Variants in SDK2 observed in about 807,000 individuals in gnomAD.
SDK2 encodes sidekick cell adhesion molecule 2, also known as protein sidekick-2.
A neutral mutation model predicts 253.9 loss-of-function variants in SDK2; 105 were observed. That is an observed-to-expected ratio of 0.41 (90% confidence interval 0.35 to 0.49). The LOEUF is 0.49. Ranked by LOEUF, SDK2 falls within the 20% of genes least tolerant of loss-of-function variation. The pLI, the probability that SDK2 is intolerant of heterozygous loss-of-function variation, is 0.06. For synonymous variants in SDK2, 1,249 were observed against 1,234.9 expected (o/e 1.01, Z -0.24); for missense variants, 2,608 against 3,003.0 (o/e 0.87, Z 3.07).
chr17:73,389,183 CTTTTT>C (rs61085516), intron 29 of SDK2, among the ~76,000 whole-genome samples: 2 of 99,016 alleles, frequency 2.0e-5, no homozygotes, highest in African/African-American at 4.6e-5. Context: ...ATATTCCTTT[CTTTTT>C]TTTTTTTTTT....
chr17:73,358,226 G>A (rs747307311), intron 39 of SDK2, 22 bp from the exon 40 acceptor site: 104 of 1,581,816 alleles, frequency 6.6e-5, no homozygotes, highest in East Asian at 2.3e-5. Flanking sequence ...ACACAGAGGC[G>A]AGGGATGTAT....
chr17:73,353,831 A>T (rs1361924289), intron 40 of SDK2, among the ~76,000 whole-genome samples: 1 of 149,194 alleles, frequency 6.7e-6, no homozygotes, highest in Admixed American at 6.8e-5. Flanking sequence ...AGCCTCCCGG[A>T]TAGCTGGGAT....
At chr17:73,368,829 G>A (rs137940397) in intron 36 of SDK2, among the ~76,000 whole-genome samples, 3 of 152,072 alleles carry the variant, frequency 2.0e-5, no homozygotes, top group African/African-American at 7.2e-5. Context: ...GGCCAACATG[G>A]TGAATCCCCG....
Position 73,395,514 on chromosome 17 carries a change from G to A in SDK2, c.3355-122C>T. The A allele has an allele frequency of 1.4e-6, 1 of 708,786 alleles. No homozygotes were observed. Among genetic ancestry groups the A allele is most frequent in the Non-Finnish European group, 2.4e-6 (1 of 416,226 alleles). 43.9% of individuals were successfully genotyped at this position (708,786 alleles called of 1,614,324 possible). A position where few individuals can be genotyped will look rare whatever the true frequency, so the allele number is the denominator to read the frequency against. On this transcript the variant is annotated intron_variant, in intron 24 of 44. Transcript: ENST00000392650. The surrounding 1 kb of genome is among the most constrained non-coding windows in gnomAD (Gnocchi z 4.3). ...GGGCTATCCATCCCACTGTCACCCG[G>A]TCAGTGTCCACATGAGGCTCTCTCA... is the stretch of plus-strand genomic sequence containing the variant.
rs569012094 is a variant in SDK2, at chr17:73,467,035, G to A, written c.331+5077C>T. Reference sequence around the variant, plus strand: ...ACACGGAAGAACCCTGGAGCTCTGTGTAGGTACTTTTCATCTACTCGTCCT... The same window carrying A: ...ACACGGAAGAACCCTGGAGCTCTGTATAGGTACTTTTCATCTACTCGTCCT... On this transcript the variant is annotated intron_variant, in intron 3 of 44. Transcript: ENST00000392650. The surrounding 1 kb of genome is among the most constrained non-coding windows in gnomAD (Gnocchi z 4.1). 6.6e-6 allele frequency among the ~76,000 whole-genome samples: 1 copy of A among 152,232 alleles called. No homozygotes were observed. The highest frequency in any genetic ancestry group is 1.9e-4 in the East Asian group (1 of 5,160).
intron 15 of SDK2, among the ~76,000 whole-genome samples, chr17:73,421,761 A>G (rs1220891244): frequency 6.6e-6 from 1 of 151,398 alleles, no homozygotes; most frequent in Non-Finnish European, 1.5e-5. Context: ...GGGTTTTGCT[A>G]TGTTGGCCAG....
intron 3 of SDK2, among the ~76,000 whole-genome samples, chr17:73,469,342 C>A (rs887158897): frequency 6.6e-6 from 1 of 152,154 alleles, no homozygotes; most frequent in Non-Finnish European, 1.5e-5. Flanking sequence ...GCCCTTGGAA[C>A]CCGCAGTGTG....
chr17:73,489,342 G>A (rs2063789572), intron 2 of SDK2, among the ~76,000 whole-genome samples: 1 of 152,296 alleles, frequency 6.6e-6, no homozygotes, highest in Non-Finnish European at 1.5e-5. Context: ...GGGACCTTAA[G>A]GGAATGAAGA....
rs548204616 is a variant in SDK2, at chr17:73,383,661, T to C, written c.4705+215A>G. On this transcript the variant is annotated intron_variant, in intron 33 of 44. Coordinates refer to ENST00000392650, the MANE Select transcript of SDK2 (RefSeq NM_001144952.2). This position sits in a 1 kb window ranked among gnomAD's most constrained non-coding sequence, Gnocchi z 4.3. ...GCAGGGACCCTGTCTGTCTTGATCA[T>C]TGGTGTGCCCCACAGTGACTCGGGG... Among the ~76,000 whole-genome samples, 14 of 152,336 alleles carry C rather than the reference T, an allele frequency of 9.2e-5. No homozygotes were observed. Among genetic ancestry groups the C allele is most frequent in the African/African-American group, 2.6e-4 (11 of 41,586 alleles).
chr17:73,514,392 C>T (rs2064006479), intron 1 of SDK2, among the ~76,000 whole-genome samples: 1 of 152,212 alleles, frequency 6.6e-6, no homozygotes, highest in Admixed American at 6.5e-5. Context: ...TGGCCCCATA[C>T]AGAAGCCAAT....
intron 1 of SDK2, among the ~76,000 whole-genome samples, chr17:73,563,440 C>A (rs550196188): frequency 6.6e-6 from 1 of 152,080 alleles, no homozygotes; most frequent in Admixed American, 6.5e-5. Context: ...TAGCTGGGTG[C>A]GGTGGCACAC....
At chr17:73,526,529 C>T (rs9916372) in intron 1 of SDK2, among the ~76,000 whole-genome samples, 53,439 of 151,936 alleles carry the variant, frequency 0.35, 9,753 homozygotes, top group East Asian at 0.6. Flanking sequence ...TGAATGGTGA[C>T]GATCAGAGTC....
intron 2 of SDK2, among the ~76,000 whole-genome samples, chr17:73,473,044 C>T (rs147852271): frequency 1.7e-4 from 26 of 152,278 alleles, no homozygotes; most frequent in South Asian, 4.1e-4. Context: ...AGCGTGAAAA[C>T]GGACTAATAA....
chr17:73,497,833 A>G (rs1272547632), intron 2 of SDK2, among the ~76,000 whole-genome samples: 2 of 152,188 alleles, frequency 1.3e-5, no homozygotes, highest in Non-Finnish European at 2.9e-5. Flanking sequence ...TTGGCAGAAA[A>G]TGCAAGTCCC....
rs1337221505 is a variant in SDK2, at chr17:73,338,976, C to T, written c.6166-36G>A. The T allele has an allele frequency of 6.3e-7, 1 of 1,582,148 alleles. No individual in the cohort carries two copies. Among genetic ancestry groups the T allele is most frequent in the Non-Finnish European group, 8.7e-7 (1 of 1,151,336 alleles). On this transcript the variant is annotated intron_variant, in intron 44 of 44. Transcript: ENST00000392650. The surrounding 1 kb of genome is among the most constrained non-coding windows in gnomAD (Gnocchi z 5.0). ...AGAGAATCAGGGTGTGTCAGTGGCC[C>T]CGTAGGGACAGGCCATTGTGGTTGG...
At chr17:73,414,584 TC>T in intron 18 of SDK2, 59 bp downstream of exon 18, 1 of 1,359,028 alleles carries the variant, frequency 7.4e-7, no homozygotes, top group Non-Finnish European at 1.1e-6. Context: ...CTGTCCCCTC[TC>T]CCCACCCCCT....
Position 73,427,084 on chromosome 17 carries a change from C to A in SDK2, c.1584-2992G>T, listed in dbSNP as rs1481984270. Among the ~76,000 whole-genome samples, 6 of 151,398 alleles carry A rather than the reference C, an allele frequency of 4.0e-5. No homozygotes were observed. In the East Asian group the frequency reaches 1.2e-3, roughly 29 times the overall value. On this transcript the variant is annotated intron_variant, in intron 12 of 44. Coordinates refer to ENST00000392650, the MANE Select transcript of SDK2 (RefSeq NM_001144952.2). ...TGGGTGACAGAGCGAGACTCCATCT[C>A]ATAAAAAAAAAGAAAAAAAAGAAAT...
At chr17:73,355,174 A>ATTTTTTTTTTTTTT (rs770032791) in intron 40 of SDK2, among the ~76,000 whole-genome samples, 18 of 47,236 alleles carry the variant, frequency 3.8e-4, no homozygotes, top group Non-Finnish European at 4.7e-4. Context: ...ATATATATAT[A>ATTTTTTTTTTTTTT]TTTTTTTTTT....
intron 36 of SDK2, among the ~76,000 whole-genome samples, chr17:73,371,888 A>T (rs1427803489): frequency 6.6e-6 from 1 of 151,576 alleles, no homozygotes; most frequent in East Asian, 1.9e-4. Flanking sequence ...TGAACCCGAG[A>T]GGTGGAGGCT....
Sources: gnomAD v4.1 joint callset for allele counts (sites outside exome capture counted in the v4.1 genomes callset) on GRCh38, gnomAD v4.1.1 for gene constraint, Gnocchi (gnomAD v3.1) non-coding constraint, MANE v1.5 for transcripts, NCBI Gene and HGNC (gene_info 2026-07-23, HGNC 2026-07-21) for gene names.